PAK3: variants seen among roughly 807,000 people sequenced by gnomAD.
The protein encoded by PAK3 is serine/threonine-protein kinase PAK 3.
A neutral mutation model predicts 41.0 loss-of-function variants in PAK3; 4 were observed. The observed-to-expected ratio is 0.10, with a 90% CI of 0.05 to 0.22. The LOEUF (loss-of-function observed/expected upper bound fraction) is 0.22, where lower values mean the gene tolerates loss of function less well. PAK3 is among the 10% of genes least tolerant of loss of function. The pLI is 1.00. For missense variants in PAK3, 205 were observed against 409.9 expected (o/e 0.50, Z 4.32); for synonymous variants, 146 against 139.6 (o/e 1.05, Z -0.32).
chrX:111,092,305 A>T (rs1208873642), upstream of PAK3, among the ~76,000 whole-genome samples: 2 of 112,225 alleles, frequency 1.8e-5, no homozygotes, highest in Admixed American at 1.9e-4. Flanking sequence ...AAAAGGGTTA[A>T]TGTCCCCCAT....
intron 11 of PAK3, among the ~76,000 whole-genome samples, chrX:111,175,795 T>C (rs944228507): frequency 8.9e-6 from 1 of 112,102 alleles, no homozygotes; most frequent in Non-Finnish European, 1.9e-5. Context: ...ATTTCCTCTC[T>C]TGGCTATTAT....
intron 16 of PAK3, among the ~76,000 whole-genome samples, chrX:111,209,439 C>G (rs1417929567): frequency 8.9e-6 from 1 of 112,045 alleles, no homozygotes; most frequent in Non-Finnish European, 1.9e-5. Flanking sequence ...TAATACTTTC[C>G]ATGGATATAA....
chrX:110,971,676 C>T (rs1391454696), intron 1 of PAK3, among the ~76,000 whole-genome samples: 1 of 112,019 alleles, frequency 8.9e-6, no homozygotes, highest in East Asian at 2.8e-4. Context: ...ATGTCTTTAA[C>T]TTTAATGATG....
At chrX:111,047,623 T>C (rs2092512748) in intron 1 of PAK3, among the ~76,000 whole-genome samples, 1 of 111,273 alleles carries the variant, frequency 9.0e-6, no homozygotes, top group Non-Finnish European at 1.9e-5. Flanking sequence ...GGCTTCCGCA[T>C]AGAATACACA....
At chrX:111,162,867 A>G (rs780436057) in intron 8 of PAK3, 48 bp from the exon 9 acceptor site, 19 of 1,127,332 alleles carry the variant, frequency 1.7e-5, no homozygotes, top group Admixed American at 2.2e-5. Flanking sequence ...CTGAAGAAAA[A>G]CAATGAGGAG....
At chrX:111,138,804 T>G (rs911491618) in intron 5 of PAK3, among the ~76,000 whole-genome samples, 1 of 110,988 alleles carries the variant, frequency 9.0e-6, no homozygotes, top group African/African-American at 3.3e-5. Flanking sequence ...CATGAACTTT[T>G]AACTTATGGG....
intron 16 of PAK3, among the ~76,000 whole-genome samples, chrX:111,198,171 G>A (rs1241934072): frequency 8.9e-6 from 1 of 111,813 alleles, no homozygotes; most frequent in African/African-American, 3.2e-5. Context: ...ATTTTTTAAT[G>A]GGGTTGTTTG....
chrX:110,956,833 T>G (rs1425343288), intron 1 of PAK3, among the ~76,000 whole-genome samples: 1 of 111,806 alleles, frequency 8.9e-6, no homozygotes, highest in Non-Finnish European at 1.9e-5. Context: ...GGCAACCAGA[T>G]GCTGCCATAG....
At position 111,123,060 on chromosome X, in the gene PAK3, T is replaced by TC. The variant is rs1276920714; in HGVS notation, c.-27-14dup. 4.8e-6 allele frequency: 5 copies of TC among 1,050,418 alleles called. No homozygotes were observed. The East Asian group carries it at 1.2e-4, about 25-fold the overall frequency. The allele number at this position is 1,050,418 out of a possible 1,213,427, so 86.6% of individuals were successfully genotyped here. The stretch of plus-strand genomic sequence containing the variant: ...CTCTTCTCCCTCAACTCCTTTTTTT[T>TC]CCCTCCTTTTCTTTAGGAGCTGTGA... On this transcript the variant is annotated splice_polypyrimidine_tract_variant and intron_variant, in intron 4 of 17. Coordinates refer to ENST00000372007, the MANE Select transcript of PAK3 (RefSeq NM_002578.5).
intron 1 of PAK3, among the ~76,000 whole-genome samples, chrX:111,051,697 CTGTG>C (rs55981824): frequency 0.022 from 2,260 of 103,617 alleles, 65 homozygotes; most frequent in African/African-American, 0.072. Flanking sequence ...GTGTGTGTGT[CTGTG>C]TGTGTGTGTG....
At chrX:111,178,980 T>TATATAG (rs1211051270) in intron 11 of PAK3, among the ~76,000 whole-genome samples, 22 of 91,599 alleles carry the variant, frequency 2.4e-4, no homozygotes, top group African/African-American at 8.8e-4. Flanking sequence ...TATATATATA[T>TATATAG]AGAGAGAGAG....
intron 1 of PAK3, among the ~76,000 whole-genome samples, chrX:111,005,658 C>A (rs1269617697): frequency 9.0e-6 from 1 of 111,383 alleles, no homozygotes; most frequent in Non-Finnish European, 1.9e-5. Context: ...AAATTTGGCC[C>A]TTATGGTAAG....
At chrX:111,172,887 T>G (rs1017035925) in intron 10 of PAK3, 131 bp from the exon 11 acceptor site, 1 of 514,382 alleles carries the variant, frequency 1.9e-6, no homozygotes, top group African/African-American at 2.3e-5. Context: ...TCTAATGTTT[T>G]ATTTGTCACT....
chrX:111,163,569 C>T lies in PAK3; in HGVS notation c.608C>T (p.Thr203Ile). The change falls in exon 10 of 18, where the codon ACT becomes ATT. Residue 203 changes from threonine to isoleucine, a missense_variant. By Grantham distance (89) the Thr-to-Ile change is moderately conservative. Coordinates refer to ENST00000372007, the MANE Select transcript of PAK3 (RefSeq NM_002578.5). ...PRPEHTKSIY[T>I]RSVVESIASP... Reference sequence around the variant, plus strand: ...GCTTTTTGGTTTTTTTAGATCTATACTCGTTCTGTGGTTGAATCCATTGCT... The same window carrying T: ...GCTTTTTGGTTTTTTTAGATCTATATTCGTTCTGTGGTTGAATCCATTGCT... 1 of 1,204,805 alleles carries T rather than the reference C, an allele frequency of 8.3e-7. No individual in the cohort carries two copies. Among genetic ancestry groups the T allele is most frequent in the Non-Finnish European group, 1.1e-6 (1 of 889,793 alleles).
chrX:110,945,527 C>T (rs1269013956), intron 1 of PAK3, among the ~76,000 whole-genome samples: 1 of 111,725 alleles, frequency 9.0e-6, no homozygotes, highest in Non-Finnish European at 1.9e-5. Context: ...GCAGGGTTTC[C>T]TCTCTCAGCC....
At chrX:111,189,352 CT>C (rs2094541721) in intron 11 of PAK3, among the ~76,000 whole-genome samples, 1 of 111,689 alleles carries the variant, frequency 9.0e-6, no homozygotes, top group Non-Finnish European at 1.9e-5. Flanking sequence ...TTTTCCATGT[CT>C]TTGCTATCAT....
intron 5 of PAK3, among the ~76,000 whole-genome samples, chrX:111,140,450 T>A (rs1038817308): frequency 9.0e-6 from 1 of 111,514 alleles, no homozygotes; most frequent in Non-Finnish European, 1.9e-5. Context: ...AATAGAGTGA[T>A]GACACCAGAG....
intron 10 of PAK3, among the ~76,000 whole-genome samples, chrX:111,167,921 C>T (rs1024928115): frequency 9.0e-6 from 1 of 111,374 alleles, no homozygotes; most frequent in Non-Finnish European, 1.9e-5. Flanking sequence ...AAAGCCATTA[C>T]TGTCAGTAAA....
At chrX:111,062,579 G>A (rs2092666296) in intron 1 of PAK3, among the ~76,000 whole-genome samples, 1 of 111,922 alleles carries the variant, frequency 8.9e-6, no homozygotes, top group Non-Finnish European at 1.9e-5. Flanking sequence ...CCAGAGAGAG[G>A]TCTCTGGGTA....
Sources: allele counts gnomAD v4.1 joint callset (sites outside exome capture counted in the v4.1 genomes callset), GRCh38; gene constraint gnomAD v4.1.1; transcripts MANE v1.5; gene names NCBI Gene and HGNC (gene_info 2026-07-23, HGNC 2026-07-21).